The following SLA variants were observed in gnomAD, a reference collection of about 807,000 sequenced individuals.
The protein encoded by SLA is src-like-adapter.
SLA carries 16 observed loss-of-function variants against 30.3 expected under a neutral mutation model. The observed-to-expected ratio is 0.53, with a 90% CI of 0.36 to 0.80. SLA has a LOEUF of 0.80. Ranked by LOEUF, SLA falls within the 30% of genes least tolerant of loss-of-function variation. The pLI, the probability that SLA is intolerant of heterozygous loss-of-function variation, is 0.01. For synonymous variants in SLA, 143 were observed against 137.8 expected (o/e 1.04, Z -0.26); for missense variants, 310 against 345.2 (o/e 0.90, Z 0.81).
At chr8:133,071,797 C>T (rs1321681458) in intron 2 of SLA, among the ~76,000 whole-genome samples, 1 of 152,166 alleles carries the variant, frequency 6.6e-6, no homozygotes, top group Non-Finnish European at 1.5e-5. Context: ...ACGGCACATA[C>T]CACGATTTGT....
intron 1 of SLA, among the ~76,000 whole-genome samples, chr8:133,093,169 A>G (rs1847856805): frequency 1.4e-5 from 2 of 142,570 alleles, no homozygotes; most frequent in South Asian, 2.1e-4. Flanking sequence ...AGTACATCCA[A>G]TGGTTCTTAA....
chr8:133,078,157 C>T (rs1264857550), intron 1 of SLA, among the ~76,000 whole-genome samples: 2 of 152,208 alleles, frequency 1.3e-5, no homozygotes, highest in Non-Finnish European at 1.5e-5. Flanking sequence ...CCCATCCTTC[C>T]TCTCCACCAT....
intron 2 of SLA, among the ~76,000 whole-genome samples, chr8:133,063,044 G>A (rs1353529904): frequency 6.6e-6 from 1 of 152,188 alleles, no homozygotes; most frequent in Non-Finnish European, 1.5e-5. Flanking sequence ...AGGCCTTTGG[G>A]CTTCTGGGGA....
chr8:133,047,721 A>G, intron 6 of SLA, 109 bp downstream of exon 6: 1 of 751,256 alleles, frequency 1.3e-6, no homozygotes, highest in East Asian at 2.5e-5. Flanking sequence ...CATTGGATCA[A>G]TTTGCATGGA....
At chr8:133,063,626 G>A (rs1035146275) in intron 2 of SLA, 12 of 152,304 alleles carry the variant, frequency 7.9e-5, no homozygotes, top group African/African-American at 2.4e-4. Context: ...AGAGGCCTGG[G>A]TTCTTCTACG....
At chr8:133,077,136 C>T (rs1480628098) in intron 1 of SLA, among the ~76,000 whole-genome samples, 1 of 152,128 alleles carries the variant, frequency 6.6e-6, no homozygotes, top group Admixed American at 6.5e-5. Context: ...AGGAAGCCAG[C>T]CCTGGGACAA....
intron 5 of SLA, chr8:133,049,612 C>G (rs1312138914): frequency 2.4e-6 from 1 of 413,138 alleles, no homozygotes; most frequent in Non-Finnish European, 4.6e-6. Flanking sequence ...GTGCTGTGCC[C>G]TCCCATAACA....
intron 1 of SLA, among the ~76,000 whole-genome samples, chr8:133,096,957 C>T (rs1005879856): frequency 6.6e-6 from 1 of 152,200 alleles, no homozygotes; most frequent in African/African-American, 2.4e-5. Flanking sequence ...GAAGTTACAG[C>T]CACTCACTAG....
At chr8:133,100,983 G>T (rs1242562386) in intron 1 of SLA, among the ~76,000 whole-genome samples, 4 of 152,104 alleles carry the variant, frequency 2.6e-5, no homozygotes, top group African/African-American at 9.7e-5. Flanking sequence ...GGAAAGAAAG[G>T]CTTAGTGAGG....
intron 7 of SLA, among the ~76,000 whole-genome samples, chr8:133,040,592 C>T (rs927026401): frequency 1.3e-5 from 2 of 152,040 alleles, no homozygotes; most frequent in African/African-American, 4.8e-5. Context: ...CAGCGCTGAT[C>T]CCCCCAGTTG....
rs75652143 is a variant in SLA, at chr8:133,075,252, G to T, written c.-318-122C>A. The T allele has an allele frequency of 2.1e-3, 940 of 437,282 alleles. 12 individuals are homozygous for T. Among genetic ancestry groups the T allele is most frequent in the African/African-American group, 0.019 (878 of 46,700 alleles). The allele number at this position is 437,282 out of a possible 1,614,324, so 27.1% of individuals were successfully genotyped here. ...TTCTCTAATTAAAAGGCAAATCAAT[G>T]GGGCTGTGAATTTGCTCTTGTACAT... On this transcript the variant is annotated intron_variant, in intron 1 of 8. Coordinates refer to ENST00000338087, the MANE Select transcript of SLA (RefSeq NM_001045556.3).
intron 5 of SLA, chr8:133,049,458 A>T: frequency 3.5e-6 from 1 of 284,110 alleles, no homozygotes; most frequent in Non-Finnish European, 7.0e-6. Flanking sequence ...ATATATTATT[A>T]TCCCTGTCGT....
chr8:133,079,318 T>C (rs998912897), intron 1 of SLA, among the ~76,000 whole-genome samples: 3 of 152,198 alleles, frequency 2.0e-5, no homozygotes, highest in Non-Finnish European at 4.4e-5. Context: ...CTAATGACCA[T>C]AGGCAAATAA....
intron 1 of SLA, among the ~76,000 whole-genome samples, chr8:133,082,729 G>A (rs534772288): frequency 1.3e-5 from 2 of 152,220 alleles, no homozygotes; most frequent in Non-Finnish European, 2.9e-5. Context: ...AGCACAAAAT[G>A]ACGGTAGGAT....
chr8:133,098,074 G>T (rs767598482), intron 1 of SLA, among the ~76,000 whole-genome samples: 1 of 152,042 alleles, frequency 6.6e-6, no homozygotes, highest in Non-Finnish European at 1.5e-5. Flanking sequence ...CATTTTTTCT[G>T]CCAAGCACTC....
In SLA at chr8:133,050,902, G is replaced by A. The variant is rs1177519451; in HGVS notation, c.75C>T (p.Asp25=). ...GGTAGTCACTTAGCACGGCAAGGAAGTCGCTATCCAGTCCTGGGGAAACAA... is the reference window on the plus strand; with the variant it reads ...GGTAGTCACTTAGCACGGCAAGGAAATCGCTATCCAGTCCTGGGGAAACAA... ...PLPNPEGLDS[D]FLAVLSDYPS... is the part of the protein sequence containing the mutation. Residue 25 remains aspartate, a synonymous_variant, in exon 4 of 9, where the codon GAC becomes GAT. Transcript: ENST00000338087. The A allele has an allele frequency of 6.2e-7, 1 of 1,612,500 alleles. No homozygotes were observed. Among genetic ancestry groups the A allele is most frequent in the Non-Finnish European group, 8.5e-7 (1 of 1,178,590 alleles).
intron 1 of SLA, among the ~76,000 whole-genome samples, chr8:133,094,013 A>G (rs1389387284): frequency 6.6e-6 from 1 of 152,078 alleles, no homozygotes; most frequent in Non-Finnish European, 1.5e-5. Flanking sequence ...TATCACCACC[A>G]CTGCCTCCCC....
At chr8:133,090,181 TTTCAATAAGCCAGCA>T (rs1564176767) in intron 1 of SLA, 1 of 152,340 alleles carries the variant, frequency 6.6e-6, no homozygotes, top group African/African-American at 2.4e-5. Flanking sequence ...TGGCAATTGA[TTTCAATAAGCCAGCA>T]TTCAATAAGC....
chr8:133,039,144 G>A (rs956963046), intron 8 of SLA, among the ~76,000 whole-genome samples: 1 of 152,192 alleles, frequency 6.6e-6, no homozygotes, highest in African/African-American at 2.4e-5. Flanking sequence ...CTCCCAAAGT[G>A]CTGGGGTTAC....
Sources: gnomAD v4.1 joint callset for allele counts (sites outside exome capture counted in the v4.1 genomes callset) on GRCh38, gnomAD v4.1.1 for gene constraint, MANE v1.5 for transcripts, NCBI Gene and HGNC (gene_info 2026-07-23, HGNC 2026-07-21) for gene names.